The following BABAM2 variants were observed in gnomAD, a reference collection of about 807,000 sequenced individuals.
BABAM2 encodes BRISC and BRCA1 A complex member 2.
A neutral mutation model predicts 54.7 loss-of-function variants in BABAM2; 31 were observed. The observed-to-expected ratio is 0.57, with a 90% CI of 0.43 to 0.77. The LOEUF (loss-of-function observed/expected upper bound fraction) is 0.77, where lower values mean the gene tolerates loss of function less well. BABAM2 is among the 30% of genes least tolerant of loss of function. The pLI is 0.00. For missense variants in BABAM2, 364 were observed against 455.8 expected, an observed-to-expected ratio of 0.80 and a Z score of 1.83; for synonymous variants, 167 against 162.9, an observed-to-expected ratio of 1.03 and a Z score of -0.19.
chr2:27,938,706 A>G (rs1044847896), intron 3 of BABAM2, among the ~76,000 whole-genome samples: 1 of 151,964 alleles, frequency 6.6e-6, no homozygotes, highest in African/African-American at 2.4e-5. Context: ...TTGCCTTTTT[A>G]AAGAAACAGA....
intron 10 of BABAM2, among the ~76,000 whole-genome samples, chr2:28,277,060 T>G (rs1478915973): frequency 6.6e-6 from 1 of 152,136 alleles, no homozygotes; most frequent in Non-Finnish European, 1.5e-5. Context: ...TGACACACAC[T>G]GATGACATAG....
chr2:28,000,481 T>A (rs1241454778), intron 4 of BABAM2, among the ~76,000 whole-genome samples: 1 of 152,200 alleles, frequency 6.6e-6, no homozygotes, highest in African/African-American at 2.4e-5. Flanking sequence ...ATACTATTGA[T>A]ATGACTTTGC....
intron 3 of BABAM2, among the ~76,000 whole-genome samples, chr2:27,956,879 A>G (rs1291936095): frequency 6.6e-6 from 1 of 152,206 alleles, no homozygotes; most frequent in Non-Finnish European, 1.5e-5. Flanking sequence ...AATGATGAGT[A>G]TAGTACATTG....
intron 3 of BABAM2, among the ~76,000 whole-genome samples, chr2:27,976,202 T>C (rs1447714877): frequency 1.3e-5 from 2 of 152,122 alleles, no homozygotes; most frequent in Non-Finnish European, 2.9e-5. Context: ...AATCCAGTCT[T>C]AAACATTTAT....
intron 7 of BABAM2, among the ~76,000 whole-genome samples, chr2:28,225,844 A>C (rs1680833013): frequency 6.6e-6 from 1 of 151,900 alleles, no homozygotes; most frequent in African/African-American, 2.4e-5. Flanking sequence ...AGTTTGACCA[A>C]AGGGCCTCTT....
intron 6 of BABAM2, among the ~76,000 whole-genome samples, chr2:28,094,841 A>G (rs1666460134): frequency 6.6e-6 from 1 of 150,512 alleles, no homozygotes; most frequent in South Asian, 2.1e-4. Flanking sequence ...ACTACTCTGC[A>G]TCTCAGTGTT....
intron 4 of BABAM2, among the ~76,000 whole-genome samples, chr2:28,022,975 A>G (rs1675383369): frequency 6.6e-6 from 1 of 152,242 alleles, no homozygotes; most frequent in South Asian, 2.1e-4. Context: ...CCTAACAAGT[A>G]AAAGTGGTCG....
At chr2:28,221,886 G>C (rs1394952548) in intron 7 of BABAM2, among the ~76,000 whole-genome samples, 1 of 152,186 alleles carries the variant, frequency 6.6e-6, no homozygotes, top group Admixed American at 6.5e-5. Context: ...AACAGTTTCA[G>C]AATGTGATGG....
chr2:28,037,707 A>G (rs575683919), intron 5 of BABAM2, among the ~76,000 whole-genome samples: 6 of 152,332 alleles, frequency 3.9e-5, no homozygotes, highest in African/African-American at 9.6e-5. Flanking sequence ...AGTATTGTCA[A>G]CAGTATATTA....
At chr2:27,892,498 A>G (rs1664944338) in intron 1 of BABAM2, 1 of 152,230 alleles carries the variant, frequency 6.6e-6, no homozygotes, top group Non-Finnish European at 1.5e-5. Flanking sequence ...TACTTAGCAT[A>G]TGACTTTGAT....
intron 10 of BABAM2, among the ~76,000 whole-genome samples, chr2:28,286,011 A>G (rs1385211789): frequency 6.7e-6 from 1 of 148,392 alleles, no homozygotes; most frequent in Non-Finnish European, 1.5e-5. Flanking sequence ...GCTGGAGTGC[A>G]GTGGTACAAT....
chr2:27,967,087 C>T (rs1472398950), intron 3 of BABAM2, among the ~76,000 whole-genome samples: 2 of 152,126 alleles, frequency 1.3e-5, no homozygotes, highest in African/African-American at 2.4e-5. Flanking sequence ...CTTCATTGAA[C>T]AGCCAAGCTT....
chr2:28,240,884 AAC>A (rs1333823461), intron 8 of BABAM2, among the ~76,000 whole-genome samples: 1 of 151,016 alleles, frequency 6.6e-6, no homozygotes, highest in African/African-American at 2.4e-5. Context: ...AAAAAAAAAA[AAC>A]AAAAAAAACC....
Position 28,025,378 on chromosome 2 carries a change from T to C in BABAM2, c.453T>C (p.Tyr151=). ...AGACATTACTGGAGGAGCCACAGTA[T>C]GGAGAGAACATGGAAATTTATGCTG... ...EYQTLLEEPQ[Y]GENMEIYAGK... is the part of the protein sequence containing the mutation. The change falls in exon 5 of 12, where the codon TAT becomes TAC. Residue 151 remains tyrosine, a synonymous_variant. Transcript: ENST00000379624. 2 of 1,590,872 alleles carry C rather than the reference T, an allele frequency of 1.3e-6. No individual in the cohort carries two copies. Among genetic ancestry groups the C allele is most frequent in the East Asian group, 2.2e-5 (1 of 44,500 alleles).
At chr2:28,084,731 T>C (rs1665492380) in intron 6 of BABAM2, among the ~76,000 whole-genome samples, 1 of 151,978 alleles carries the variant, frequency 6.6e-6, no homozygotes, top group African/African-American at 2.4e-5. Flanking sequence ...CTCTGACCGT[T>C]CTACACAGTA....
At chr2:27,970,195 T>G (rs574262935) in intron 3 of BABAM2, among the ~76,000 whole-genome samples, 1 of 152,352 alleles carries the variant, frequency 6.6e-6, no homozygotes, top group South Asian at 2.1e-4. Flanking sequence ...CAGTGCCACT[T>G]CTTCAATGAA....
intron 10 of BABAM2, among the ~76,000 whole-genome samples, chr2:28,252,187 A>G (rs1683556618): frequency 7.4e-6 from 1 of 135,258 alleles, no homozygotes; most frequent in Admixed American, 7.2e-5. Flanking sequence ...ACTCCATCTC[A>G]AAAAAAAAAA....
At chr2:28,004,141 A>AC (rs967719926) in intron 4 of BABAM2, among the ~76,000 whole-genome samples, 3 of 151,726 alleles carry the variant, frequency 2.0e-5, no homozygotes, top group Non-Finnish European at 4.4e-5. Context: ...CAAAAAAAAA[A>AC]AAAACACTTA....
At chr2:28,293,607 C>T (rs888096259) in intron 10 of BABAM2, among the ~76,000 whole-genome samples, 1 of 152,214 alleles carries the variant, frequency 6.6e-6, no homozygotes, top group Non-Finnish European at 1.5e-5. Flanking sequence ...AATTCTTCCT[C>T]CCTTCCCCCA....
Sources: gnomAD v4.1 joint callset for allele counts (sites outside exome capture counted in the v4.1 genomes callset) on GRCh38, gnomAD v4.1.1 for gene constraint, MANE v1.5 for transcripts, NCBI Gene and HGNC (gene_info 2026-07-23, HGNC 2026-07-21) for gene names.